The following EIF6 variants were observed in gnomAD, a reference collection of about 807,000 sequenced individuals.
EIF6 encodes the protein eukaryotic translation initiation factor 6.
Under a neutral mutation model 25.5 loss-of-function variants are expected in EIF6, and 10 were observed. That is an observed-to-expected ratio of 0.39 (90% CI 0.24 to 0.66). EIF6 has a LOEUF of 0.66. EIF6 is among the 30% of genes least tolerant of loss of function. The pLI is 0.45. For synonymous variants in EIF6, 122 were observed against 122.6 expected (o/e 1.00, Z 0.03); for missense variants, 246 against 315.4 (o/e 0.78, Z 1.67).
chr20:35,282,711 G>A (rs768262836), intron 3 of EIF6, among the ~76,000 whole-genome samples: 1 of 151,390 alleles, frequency 6.6e-6, no homozygotes, highest in Non-Finnish European at 1.5e-5. Flanking sequence ...CAGGGTTCAA[G>A]CAATTCTCCC....
intron 5 of EIF6, 57 bp from the exon 6 acceptor site, chr20:35,279,804 G>A: frequency 2.5e-6 from 4 of 1,605,612 alleles, no homozygotes; most frequent in Non-Finnish European, 3.4e-6. Context: ...CCTCCTCAAT[G>A]AAGACTCTCC....
intron 4 of EIF6, 23 bp downstream of exon 4, chr20:35,280,631 T>C: frequency 3.1e-6 from 5 of 1,610,476 alleles, no homozygotes; most frequent in Non-Finnish European, 4.2e-6. Flanking sequence ...CTGTGACTCT[T>C]GGGTCAAGTT....
At chr20:35,283,160 G>A (rs985450346) in intron 3 of EIF6, among the ~76,000 whole-genome samples, 1 of 152,120 alleles carries the variant, frequency 6.6e-6, no homozygotes, top group Non-Finnish European at 1.5e-5. Flanking sequence ...CGGGTGTGGC[G>A]GGATGCGCCT....
chr20:35,282,366 A>T (rs2060782840), intron 3 of EIF6, among the ~76,000 whole-genome samples: 1 of 152,222 alleles, frequency 6.6e-6, no homozygotes, highest in Admixed American at 6.5e-5. Flanking sequence ...ACGTTGTGAT[A>T]TACTTACACA....
In EIF6 at chr20:35,278,972, G is replaced by C. The variant is rs1242924863; in HGVS notation, c.*225C>G. 1.5e-5 allele frequency: 9 copies of C among 608,236 alleles called. No individual in the cohort carries two copies. The East Asian group carries it at 2.3e-4, about 15-fold the overall frequency. 37.7% of individuals were successfully genotyped at this position (608,236 alleles called of 1,614,324 possible). On this transcript the variant is annotated 3_prime_UTR_variant, in exon 7 of 7. Transcript: ENST00000374450. ...GTGGCACAGGACAGCAGAACCCTCAGCCAGCAGCCACAGGGCCTGCCAGCC... is the reference window on the plus strand; with the variant it reads ...GTGGCACAGGACAGCAGAACCCTCACCCAGCAGCCACAGGGCCTGCCAGCC...
intron 2 of EIF6, 48 bp downstream of exon 2, chr20:35,284,333 C>T (rs967952063): frequency 4.3e-6 from 7 of 1,613,752 alleles, no homozygotes; most frequent in African/African-American, 4.0e-5. Context: ...GCTCTTGACT[C>T]CTGCGCACGC....
At position 35,279,576 on chromosome 20, in the gene EIF6, G is replaced by A. The variant is rs776838000; in HGVS notation, c.718C>T (p.Leu240Phe). The A allele has an allele frequency of 6.2e-7, 1 of 1,614,034 alleles. No individual in the cohort carries two copies. Among genetic ancestry groups the A allele is most frequent in the South Asian group, 1.1e-5 (1 of 91,082 alleles). The change falls in exon 6 of 7, where the codon CTC (leucine) becomes TTC (phenylalanine). Residue 240 changes from leucine (L) to phenylalanine (F), a missense_variant. By Grantham distance (22) the Leu-to-Phe change is conservative (BLOSUM62 0). Transcript: ENST00000374450. The part of the protein sequence containing the change: ...STIATSMRDS[L>F]IDSLT ...AGAGGCCCCAGGTACCTGTCAATGA[G>A]GGAATCCCGCATGCTGGTGGCAATG...
rs976491927 is a variant in EIF6, at chr20:35,284,437, G to A, written c.51C>T (p.Ala17=). 8.1e-6 allele frequency: 13 copies of A among 1,613,476 alleles called. No individual in the cohort carries two copies. The highest frequency in any genetic ancestry group is 1.7e-5 in the Admixed American group (1 of 60,002). Residue 17 remains alanine (A), a synonymous_variant, in exon 2 of 7, where the codon GCC becomes GCT. Transcript: ENST00000374450. ...CCAGACAGTAGGTGTTGGTGAGCTT[G>A]GCAAAGCAGCCGATCTCACAGTTGT... ...FENNCEIGCF[A]KLTNTYCLVA...
intron 3 of EIF6, among the ~76,000 whole-genome samples, chr20:35,283,779 GA>G (rs2060797360): frequency 1.4e-5 from 2 of 145,374 alleles, no homozygotes; most frequent in Admixed American, 1.4e-4. Context: ...CAGCCTGGGC[GA>G]AAGAGCAAAA....
intron 4 of EIF6, among the ~76,000 whole-genome samples, chr20:35,280,437 AATCT>A (rs2060764224): frequency 6.6e-6 from 1 of 152,156 alleles, no homozygotes; most frequent in Admixed American, 6.5e-5. Flanking sequence ...TGGATGGTTC[AATCT>A]CCCCAATCAT....
Position 35,282,909 on chromosome 20 carries a change from AAAAAT to A in EIF6, c.193+1262_193+1266del, listed in dbSNP as rs552305779. 3.9e-5 allele frequency among the ~76,000 whole-genome samples: 6 copies of A among 152,158 alleles called. No homozygotes were observed. The South Asian group carries it at 1.0e-3, about 26-fold the overall frequency. Reference sequence around the variant, plus strand: ...TTTTTAAAAATTAAAGTAAAAGTAAAAAAATAAAATAAACAGACTTCTAAAAGTGA... The same window carrying A: ...TTTTTAAAAATTAAAGTAAAAGTAAAAAAATAAACAGACTTCTAAAAGTGA... On this transcript the variant is annotated intron_variant, in intron 3 of 6. Coordinates refer to ENST00000374450, the MANE Select transcript of EIF6 (RefSeq NM_002212.4).
intron 3 of EIF6, among the ~76,000 whole-genome samples, chr20:35,281,097 G>A (rs1600821785): frequency 1.3e-5 from 2 of 152,282 alleles, no homozygotes; most frequent in South Asian, 2.1e-4. Context: ...TAAAAACTGA[G>A]CTGCCGGGCG....
chr20:35,282,138 G>A (rs569760641), intron 3 of EIF6, among the ~76,000 whole-genome samples: 2 of 152,050 alleles, frequency 1.3e-5, no homozygotes, highest in Non-Finnish European at 2.9e-5. Context: ...ACAGGCACCC[G>A]CCACCACACC....
At chr20:35,283,800 CA>C (rs57842071) in intron 3 of EIF6, among the ~76,000 whole-genome samples, 30,716 of 114,912 alleles carry the variant, frequency 0.27, 3,177 homozygotes, top group South Asian at 0.39. Flanking sequence ...AATCTGGCCT[CA>C]AAAAAAAAAA....
chr20:35,284,386 G>T lies in EIF6; in HGVS notation c.102C>A (p.Phe34Leu), dbSNP rs1204163788. Residue 34 changes from phenylalanine (F) to leucine (L), a missense_variant, in exon 2 of 7, where the codon TTC becomes TTA. By Grantham distance (22) the Phe-to-Leu change is conservative. Transcript: ENST00000374450. ...CCCCGGGGCTCCCGCCGCACCTGTA[G>T]AAGTTCTCTGAGCCTCCGATCGCTA... is the stretch of plus-strand genomic sequence containing the variant. ...CLVAIGGSENFYSVFEGELSD... is the reference protein window; with the variant it reads ...CLVAIGGSENLYSVFEGELSD... The T allele has an allele frequency of 1.2e-6, 2 of 1,614,000 alleles. No homozygotes were observed. The highest frequency in any genetic ancestry group is 1.7e-6 in the Non-Finnish European group (2 of 1,179,972).
chr20:35,280,794 T>C lies in EIF6; in HGVS notation c.229A>G (p.Thr77Ala), dbSNP rs1258803411. Residue 77 changes from threonine (T) to alanine (A), a missense_variant, in exon 4 of 7, where the codon ACC (threonine) becomes GCC (alanine). Transcript: ENST00000374450. ...CGAATGTGTTGCAGCTCCTGGTCGG[T>C]GGTATTGTTGGGTACCAGGAGACCG... ...RHGLLVPNNTTDQELQHIRNS... is the reference protein window; with the variant it reads ...RHGLLVPNNTADQELQHIRNS... The C allele has an allele frequency of 8.1e-6, 13 of 1,614,058 alleles. No homozygotes were observed. The highest frequency in any genetic ancestry group is 1.6e-4 in the Middle Eastern group (1 of 6,062).
At chr20:35,284,565 C>T in intron 1 of EIF6, 73 bp from the exon 2 acceptor site, 1 of 1,515,108 alleles carries the variant, frequency 6.6e-7, no homozygotes, top group East Asian at 2.3e-5. Flanking sequence ...GTCCCTCAGG[C>T]CCCGCCGCGA....
At chr20:35,279,476 C>T in intron 6 of EIF6, 90 bp downstream of exon 6, 1 of 1,537,970 alleles carries the variant, frequency 6.5e-7, no homozygotes, top group South Asian at 1.2e-5. Flanking sequence ...AACTGGTAGG[C>T]TCCCATTCTA....
chr20:35,279,924 G>C lies in EIF6; in HGVS notation c.546+18C>G. ...GATCTGCCTCGGGAGACGGGGTTCA[G>C]AGGACAGGAATGCTTACCACAAGGG... is the stretch of plus-strand genomic sequence containing the variant. On this transcript the variant is annotated intron_variant, in intron 5 of 6. Coordinates refer to ENST00000374450, the MANE Select transcript of EIF6 (RefSeq NM_002212.4). 1.9e-6 allele frequency: 3 copies of C among 1,610,606 alleles called. No homozygotes were observed. Among genetic ancestry groups the C allele is most frequent in the Non-Finnish European group, 2.5e-6 (3 of 1,177,276 alleles).
Sources: gnomAD v4.1 joint callset for allele counts (sites outside exome capture counted in the v4.1 genomes callset) on GRCh38, gnomAD v4.1.1 for gene constraint, MANE v1.5 for transcripts, NCBI Gene and HGNC (gene_info 2026-07-23, HGNC 2026-07-21) for gene names.